The following NLGN4X variants were observed in gnomAD, a reference collection of about 807,000 sequenced individuals.
NLGN4X encodes the protein neuroligin-4, X-linked.
In NLGN4X, 3 loss-of-function variants were observed where a neutral mutation model predicts 40.3. The observed-to-expected ratio is 0.07, with a 90% CI of 0.03 to 0.19. The LOEUF (loss-of-function observed/expected upper bound fraction) is 0.19. NLGN4X is among the 10% of genes least tolerant of loss of function. The pLI is 1.00. For synonymous variants in NLGN4X, 270 were observed against 306.8 expected (o/e 0.88, Z 1.25); for missense variants, 382 against 708.3 (o/e 0.54, Z 5.23).
At chrX:5,927,339 A>T (rs1294222704) in intron 3 of NLGN4X, among the ~76,000 whole-genome samples, 2 of 112,133 alleles carry the variant, frequency 1.8e-5, no homozygotes, top group Admixed American at 1.9e-4. Context: ...ACGTTTGATC[A>T]ATTGTACTTT....
At chrX:6,207,443 T>C (rs1306898179) in intron 1 of NLGN4X, among the ~76,000 whole-genome samples, 1 of 112,390 alleles carries the variant, frequency 8.9e-6, no homozygotes, top group Non-Finnish European at 1.9e-5. Flanking sequence ...CATTACTTAG[T>C]TGGAATATTT....
In NLGN4X at chrX:6,066,708, G is replaced by A. The variant is rs954463954; in HGVS notation, c.473-37276C>T. Among the ~76,000 whole-genome samples the A allele has an allele frequency of 3.6e-5, 4 of 111,161 alleles. No individual in the cohort carries two copies. In the South Asian group the frequency reaches 1.1e-3, roughly 32 times the overall value. On this transcript the variant is annotated intron_variant, in intron 2 of 5. Coordinates refer to ENST00000381095, the MANE Select transcript of NLGN4X (RefSeq NM_181332.3). The stretch of plus-strand genomic sequence containing the variant: ...GCTGAGGCAGGAGAATCGCGTGAAC[G>A]CAGCAGGCAGAGGTTGCAGTGAGCC...
At chrX:5,953,303 G>A (rs1259122663) in intron 3 of NLGN4X, among the ~76,000 whole-genome samples, 3 of 110,976 alleles carry the variant, frequency 2.7e-5, no homozygotes, top group African/African-American at 9.9e-5. Flanking sequence ...TTGAGCCCAG[G>A]AGATTGAGGC....
chrX:6,090,449 T>G (rs2038608926), intron 2 of NLGN4X, among the ~76,000 whole-genome samples: 1 of 111,395 alleles, frequency 9.0e-6, no homozygotes, highest in South Asian at 3.8e-4. Context: ...AATCTCATTT[T>G]GAGACACATA....
chrX:6,007,629 T>G (rs919009222), intron 3 of NLGN4X, among the ~76,000 whole-genome samples: 1 of 112,025 alleles, frequency 8.9e-6, no homozygotes, highest in Non-Finnish European at 1.9e-5. Context: ...AAATACAAAA[T>G]ATAGCATGTA....
intron 3 of NLGN4X, among the ~76,000 whole-genome samples, chrX:5,978,764 T>C (rs2080520482): frequency 9.0e-6 from 1 of 111,591 alleles, no homozygotes; most frequent in Non-Finnish European, 1.9e-5. Flanking sequence ...AATGTTGACT[T>C]ATGTATACAG....
At chrX:6,140,511 T>G in intron 2 of NLGN4X, among the ~76,000 whole-genome samples, 1 of 105,926 alleles carries the variant, frequency 9.4e-6, no homozygotes, top group Non-Finnish European at 1.9e-5. Flanking sequence ...ACAGACCACA[T>G]ACCAATGCCT....
chrX:5,992,042 C>G (rs771547388), intron 3 of NLGN4X, among the ~76,000 whole-genome samples: 6 of 111,973 alleles, frequency 5.4e-5, no homozygotes, highest in African/African-American at 1.3e-4. Flanking sequence ...AGCTAAAAAC[C>G]AAGTCATACT....
chrX:6,196,396 A>G (rs1185919313), intron 1 of NLGN4X, among the ~76,000 whole-genome samples: 1 of 108,992 alleles, frequency 9.2e-6, no homozygotes, highest in Non-Finnish European at 1.9e-5. Context: ...CTAAAAATAC[A>G]AAACAATTAG....
chrX:5,902,348 C>T (rs1015687842), intron 5 of NLGN4X, among the ~76,000 whole-genome samples: 2 of 110,526 alleles, frequency 1.8e-5, no homozygotes, highest in African/African-American at 6.6e-5. Context: ...ACATAGCAAA[C>T]CCTGTGTCTA....
At chrX:5,946,389 G>A (rs923389251) in intron 3 of NLGN4X, among the ~76,000 whole-genome samples, 3 of 111,305 alleles carry the variant, frequency 2.7e-5, no homozygotes, top group Non-Finnish European at 5.7e-5. Flanking sequence ...TGTCCATATT[G>A]GATACCATTA....
At chrX:6,006,378 A>G (rs912536623) in intron 3 of NLGN4X, among the ~76,000 whole-genome samples, 1 of 110,849 alleles carries the variant, frequency 9.0e-6, no homozygotes, top group Non-Finnish European at 1.9e-5. Context: ...TAATCTAAAT[A>G]CTAGATCCAA....
chrX:6,058,419 CA>C (rs753818862), intron 2 of NLGN4X, among the ~76,000 whole-genome samples: 1 of 111,592 alleles, frequency 9.0e-6, no homozygotes, highest in African/African-American at 3.2e-5. Flanking sequence ...ATTATCTCAT[CA>C]AAAAACAAAA....
chrX:5,893,577 G>T lies in NLGN4X; in HGVS notation c.1691C>A (p.Pro564His). ...AATATGCAGATAGAGCTGGTCTTTG[G>T]GATTATACTTGGACCAGGCCACTTC... ...FEEVAWSKYN[P>H]KDQLYLHIGL... Residue 564 changes from proline to histidine, a missense_variant, in exon 6 of 6, where the codon CCC (proline) becomes CAC (histidine). This residue lies in a region of NLGN4X where 149 missense variants were observed against 375.8 expected (regional missense o/e 0.40). Coordinates refer to ENST00000381095, the MANE Select transcript of NLGN4X (RefSeq NM_181332.3). 4 of 1,211,183 alleles carry T rather than the reference G, an allele frequency of 3.3e-6. No homozygotes were observed. The highest frequency in any genetic ancestry group is 4.5e-6 in the Non-Finnish European group (4 of 895,330).
chrX:6,226,441 G>A (rs1192924532), intron 1 of NLGN4X, among the ~76,000 whole-genome samples: 1 of 110,963 alleles, frequency 9.0e-6, no homozygotes, highest in African/African-American at 3.3e-5. Flanking sequence ...AGGCCTCGGG[G>A]GTGCAAGGGT....
At chrX:6,066,513 C>CA (rs2037920244) in intron 2 of NLGN4X, among the ~76,000 whole-genome samples, 1 of 112,430 alleles carries the variant, frequency 8.9e-6, no homozygotes, top group South Asian at 3.7e-4. Flanking sequence ...GGGCTGGTCA[C>CA]AGTGGCTCAC....
intron 2 of NLGN4X, among the ~76,000 whole-genome samples, chrX:6,136,994 A>T (rs141278071): frequency 0.022 from 2,471 of 112,474 alleles, 70 homozygotes; most frequent in African/African-American, 0.074. Context: ...TACGCAGAAT[A>T]TACCTAATCC....
At chrX:6,082,953 T>TTTTTG (rs2038395414) in intron 2 of NLGN4X, among the ~76,000 whole-genome samples, 1 of 63,208 alleles carries the variant, frequency 1.6e-5, no homozygotes. Flanking sequence ...GATGCGTTTT[T>TTTTTG]TTCTTTTTTT....
chrX:6,070,402 C>A (rs2147360509), intron 2 of NLGN4X, among the ~76,000 whole-genome samples: 1 of 111,490 alleles, frequency 9.0e-6, no homozygotes, highest in East Asian at 2.8e-4. Flanking sequence ...CCACAATTTC[C>A]TGAACATTAA....
Sources: gnomAD v4.1 joint callset for allele counts (sites outside exome capture counted in the v4.1 genomes callset) on GRCh38, gnomAD v4.1.1 for gene constraint, gnomAD v4.1.1 regional missense constraint, MANE v1.5 for transcripts, NCBI Gene and HGNC (gene_info 2026-07-23, HGNC 2026-07-21) for gene names.